DIAPH3: variants seen among roughly 807,000 people sequenced by gnomAD.
DIAPH3 encodes the protein protein diaphanous homolog 3.
DIAPH3 carries 117 observed loss-of-function variants against 144.3 expected under a neutral mutation model. That is an observed-to-expected ratio of 0.81 (90% CI 0.70 to 0.95). DIAPH3 has a LOEUF of 0.95. Ranked by LOEUF, DIAPH3 falls within the 40% of genes least tolerant of loss-of-function variation. The pLI, the probability that DIAPH3 is intolerant of heterozygous loss-of-function variation, is 0.00. For missense variants in DIAPH3, 1,421 were observed against 1,412.7 expected (o/e 1.01, Z -0.09); for synonymous variants, 519 against 488.9 (o/e 1.06, Z -0.81).
chr13:59,914,688 T>C (rs144524763), intron 19 of DIAPH3, among the ~76,000 whole-genome samples: 3 of 152,150 alleles, frequency 2.0e-5, no homozygotes, highest in Admixed American at 1.3e-4. Flanking sequence ...GCAAGATTGC[T>C]GGCTTGGAAG....
intron 3 of DIAPH3, among the ~76,000 whole-genome samples, chr13:60,105,052 C>A (rs530184597): frequency 7.8e-6 from 1 of 128,816 alleles, no homozygotes; most frequent in South Asian, 2.5e-4. Flanking sequence ...GCTGAGATTG[C>A]GCCACTATAC....
At chr13:59,797,701 A>T (rs1276015234) in intron 25 of DIAPH3, among the ~76,000 whole-genome samples, 1 of 152,056 alleles carries the variant, frequency 6.6e-6, no homozygotes, top group Non-Finnish European at 1.5e-5. Context: ...AGTGGGACTG[A>T]CCTGTTTTCC....
chr13:59,697,242 G>T (rs375138213), intron 27 of DIAPH3, among the ~76,000 whole-genome samples: 4 of 151,542 alleles, frequency 2.6e-5, no homozygotes, highest in African/African-American at 9.7e-5. Flanking sequence ...GGCGGATCAC[G>T]AGATCAGGAG....
chr13:59,916,990 A>G (rs372309645), intron 18 of DIAPH3, among the ~76,000 whole-genome samples: 1 of 152,218 alleles, frequency 6.6e-6, no homozygotes, highest in African/African-American at 2.4e-5. Context: ...AGCAACAGAT[A>G]CAACGCTTTT....
chr13:60,151,168 AC>A (rs1951763647), intron 1 of DIAPH3, among the ~76,000 whole-genome samples: 1 of 141,146 alleles, frequency 7.1e-6, no homozygotes, highest in Admixed American at 6.8e-5. Flanking sequence ...ATAACTGAGA[AC>A]TTAACACTAT....
At chr13:59,863,682 T>C (rs1191144043) in intron 21 of DIAPH3, among the ~76,000 whole-genome samples, 2 of 152,150 alleles carry the variant, frequency 1.3e-5, no homozygotes, top group African/African-American at 4.8e-5. Flanking sequence ...ATGCAACTTA[T>C]ACAGTGGTTC....
At chr13:59,757,329 A>T (rs1382141589) in intron 27 of DIAPH3, among the ~76,000 whole-genome samples, 2 of 57,290 alleles carry the variant, frequency 3.5e-5, no homozygotes, top group African/African-American at 1.9e-4. Context: ...TATAATGGTA[A>T]AAAAAAATTG....
At chr13:60,059,739 G>T (rs2056694410) in intron 4 of DIAPH3, among the ~76,000 whole-genome samples, 1 of 152,004 alleles carries the variant, frequency 6.6e-6, no homozygotes, top group African/African-American at 2.4e-5. Flanking sequence ...TAATTTGCCA[G>T]CCTCTATTTG....
intron 27 of DIAPH3, among the ~76,000 whole-genome samples, chr13:59,770,153 G>A (rs951785195): frequency 2.0e-5 from 3 of 152,040 alleles, no homozygotes; most frequent in Admixed American, 6.6e-5. Context: ...TCCTTTTGAT[G>A]ATAGATAACT....
intron 4 of DIAPH3, among the ~76,000 whole-genome samples, chr13:60,050,732 T>C (rs376284317): frequency 6.6e-6 from 1 of 152,122 alleles, no homozygotes; most frequent in East Asian, 1.9e-4. Flanking sequence ...GGATAAGTAT[T>C]GGAGAGTTCT....
At chr13:60,106,390 A>G (rs1193737724) in intron 3 of DIAPH3, among the ~76,000 whole-genome samples, 3 of 152,194 alleles carry the variant, frequency 2.0e-5, no homozygotes, top group Non-Finnish European at 2.9e-5. Flanking sequence ...TTGGATCCAC[A>G]TCTCACATCA....
chr13:59,969,549 T>C (rs1427298243), intron 17 of DIAPH3, among the ~76,000 whole-genome samples: 1 of 152,134 alleles, frequency 6.6e-6, no homozygotes, highest in African/African-American at 2.4e-5. Context: ...CTAGCTCCCC[T>C]AGTCACTGTA....
rs2044838977 is a variant in DIAPH3, at chr13:59,879,265, A to G, written c.2571T>C (p.Ala857=). The change falls in exon 21 of 28, where the codon GCT becomes GCC. Residue 857 remains alanine (A), a synonymous_variant. Coordinates refer to ENST00000400324, the MANE Select transcript of DIAPH3 (RefSeq NM_001042517.2). ...AGCTAAGGTTAAATCCGAAGGTTTG[A>G]GCATTCCGGGAGCCAGCATTCATGT... ...GNYMNAGSRN[A]QTFGFNLSSL... is the part of the protein sequence containing the mutation. The G allele has an allele frequency of 1.2e-6, 2 of 1,613,750 alleles. No individual in the cohort carries two copies. Among genetic ancestry groups the G allele is most frequent in the Admixed American group, 1.7e-5 (1 of 59,946 alleles).
rs746991337 is a variant in DIAPH3, at chr13:59,983,831, T to C, written c.1418A>G (p.Asp473Gly). The C allele has an allele frequency of 1.2e-6, 2 of 1,610,430 alleles. No homozygotes were observed. The highest frequency in any genetic ancestry group is 1.1e-5 in the South Asian group (1 of 90,994). The change falls in exon 13 of 28, where the codon GAT (aspartate) becomes GGT (glycine). Residue 473 changes from aspartate to glycine, a missense_variant. Asp to Gly is a moderately conservative substitution (Grantham distance 94, BLOSUM62 -1). Coordinates refer to ENST00000400324, the MANE Select transcript of DIAPH3 (RefSeq NM_001042517.2). ...ECVSQIVLHR[D>G]GMDPDFTYRK... ...ATATGTGAAGTCTGGATCCATTCCA[T>C]CTCTATGCAATACAATCTGGGATAC...
At chr13:59,877,988 C>T (rs2044740153) in intron 21 of DIAPH3, among the ~76,000 whole-genome samples, 1 of 152,152 alleles carries the variant, frequency 6.6e-6, no homozygotes, top group Non-Finnish European at 1.5e-5. Context: ...TCTGTCTTAA[C>T]TCTGCTGCCA....
chr13:59,995,270 G>C (rs73547749), intron 9 of DIAPH3, among the ~76,000 whole-genome samples: 11,167 of 151,836 alleles, frequency 0.074, 1,379 homozygotes, highest in African/African-American at 0.26. Context: ...AACCAAAAGT[G>C]AGATGTTCGT....
At chr13:59,927,124 C>A (rs935743768) in intron 17 of DIAPH3, among the ~76,000 whole-genome samples, 1 of 152,122 alleles carries the variant, frequency 6.6e-6, no homozygotes, top group Non-Finnish European at 1.5e-5. Flanking sequence ...TTGACTGATA[C>A]AAGTATAGCT....
chr13:60,050,651 A>G (rs2056294490), intron 4 of DIAPH3, among the ~76,000 whole-genome samples: 2 of 152,236 alleles, frequency 1.3e-5, no homozygotes, highest in South Asian at 4.1e-4. Flanking sequence ...ACATTTAAGA[A>G]AAAGTATGCC....
At chr13:59,739,829 C>A (rs1045126500) in intron 27 of DIAPH3, among the ~76,000 whole-genome samples, 8 of 152,158 alleles carry the variant, frequency 5.3e-5, no homozygotes, top group African/African-American at 1.9e-4. Context: ...TCTGAATCCA[C>A]AAATTCAACT....
Sources: gnomAD v4.1 joint callset for allele counts (sites outside exome capture counted in the v4.1 genomes callset) on GRCh38, gnomAD v4.1.1 for gene constraint, MANE v1.5 for transcripts, NCBI Gene and HGNC (gene_info 2026-07-23, HGNC 2026-07-21) for gene names.